The following ELAVL2 variants were observed in gnomAD, a reference collection of about 807,000 sequenced individuals.
The protein encoded by ELAVL2 is ELAV-like protein 2.
ELAVL2 carries 4 observed loss-of-function variants against 34.6 expected under a neutral mutation model. The ratio of observed to expected loss-of-function variants is 0.12; its 90% CI spans 0.06 to 0.26. The LOEUF is 0.26. ELAVL2 is among the 10% of genes least tolerant of loss of function. The pLI is 1.00. For missense variants in ELAVL2, 432 were observed against 442.8 expected (o/e 0.98, Z 0.22); for synonymous variants, 193 against 154.8 (o/e 1.25, Z -1.83).
chr9:23,839,517 A>T, the ELAVL2 span, among the ~76,000 whole-genome samples: 2 of 152,206 alleles, frequency 1.3e-5, no homozygotes, highest in Non-Finnish European at 2.9e-5. Flanking sequence ...AGTCCTAGAC[A>T]TGAGTCATCA....
chr9:23,783,362 G>T, intron 1 of ELAVL2: 2 of 757,474 alleles, frequency 2.6e-6, no homozygotes, highest in Non-Finnish European at 3.2e-6. Flanking sequence ...CACTTAAATG[G>T]AGTAACTCCA....
At chr9:23,843,647 TCAAA>T in the ELAVL2 span, among the ~76,000 whole-genome samples, 1 of 152,162 alleles carries the variant, frequency 6.6e-6, no homozygotes, top group Non-Finnish European at 1.5e-5. Flanking sequence ...TCATTTCCTC[TCAAA>T]CAATCTCTTT....
At chr9:23,804,026 A>G (rs1274536654) in intron 1 of ELAVL2, among the ~76,000 whole-genome samples, 1 of 152,202 alleles carries the variant, frequency 6.6e-6, no homozygotes, top group Non-Finnish European at 1.5e-5. Flanking sequence ...GTGCAAATCT[A>G]TTAAAATGCT....
At chr9:23,780,976 G>A (rs538953142) in intron 1 of ELAVL2, among the ~76,000 whole-genome samples, 5 of 152,278 alleles carry the variant, frequency 3.3e-5, no homozygotes, top group African/African-American at 4.8e-5. Context: ...AGACTAGAAC[G>A]AAGGTAAAAG....
intron 1 of ELAVL2, among the ~76,000 whole-genome samples, chr9:23,813,767 G>A (rs1325303535): frequency 6.6e-6 from 1 of 152,180 alleles, no homozygotes; most frequent in East Asian, 1.9e-4. Context: ...TGAAGTAAAG[G>A]AGACTATAAG....
At chr9:23,762,361 A>G in intron 1 of ELAVL2, 112 bp from the exon 2 acceptor site, 1 of 1,386,328 alleles carries the variant, frequency 7.2e-7, no homozygotes, top group Non-Finnish European at 9.8e-7. Context: ...TAATGAAATT[A>G]CAACAATGCT....
chr9:23,753,400 G>C (rs145151369), intron 2 of ELAVL2, among the ~76,000 whole-genome samples: 1 of 151,804 alleles, frequency 6.6e-6, no homozygotes, highest in Non-Finnish European at 1.5e-5. Context: ...AAAGTGCTTC[G>C]GTCTATTCTG....
At chr9:23,821,382 C>G (rs1039720347) in intron 1 of ELAVL2, 5 of 152,152 alleles carry the variant, frequency 3.3e-5, no homozygotes, top group African/African-American at 7.2e-5. Context: ...CCCGAGGCGC[C>G]CAATTCTCTC....
chr9:23,701,508 G>C lies in ELAVL2; in HGVS notation c.584C>G (p.Thr195Arg), dbSNP rs199582251. The C allele has an allele frequency of 6.2e-7, 1 of 1,614,094 alleles. No individual in the cohort carries two copies. The highest frequency in any genetic ancestry group is 8.5e-7 in the Non-Finnish European group (1 of 1,180,004). Reference protein sequence around the residue: ...GLNGQKPPGATEPITVKFANN... With the variant: ...GLNGQKPPGAREPITVKFANN... ...AGCAAACTTTACAGTGATTGGCTCC[G>C]TGGCACCGGGAGGTTTCTGGCCATT... Residue 195 changes from threonine (T) to arginine (R), a missense_variant, in exon 5 of 7, where the codon ACG becomes AGG. Physicochemically the swap from Thr to Arg is moderately conservative, Grantham distance 71. This residue lies in a region of ELAVL2 where 295 missense variants were observed against 306.1 expected (regional missense o/e 0.96). Transcript: ENST00000397312.
At chr9:23,774,135 C>T (rs1318294444) in intron 1 of ELAVL2, among the ~76,000 whole-genome samples, 3 of 146,240 alleles carry the variant, frequency 2.1e-5, no homozygotes, top group African/African-American at 7.7e-5. Flanking sequence ...GGCATGAACC[C>T]AGGAGGCAGA....
intron 6 of ELAVL2, among the ~76,000 whole-genome samples, 155 bp from the exon 7 acceptor site, chr9:23,693,039 T>C (rs2033743754): frequency 6.6e-6 from 1 of 152,246 alleles, no homozygotes; most frequent in African/African-American, 2.4e-5. Context: ...GACCAAGGTC[T>C]GTGTGTGGCT....
rs144047721 is a variant in ELAVL2, at chr9:23,723,721, G to C, written c.333+7301C>G. ...CTATCATGATGCACATGGTTTGCTT[G>C]AATCTCTTCCTCAGCCTCCTTATTA... On this transcript the variant is annotated intron_variant, in intron 3 of 6. Transcript: ENST00000397312. Among the ~76,000 whole-genome samples the C allele has an allele frequency of 3.9e-5, 6 of 152,180 alleles. No individual in the cohort carries two copies. The South Asian group carries it at 1.2e-3, about 32-fold the overall frequency.
chr9:23,722,870 A>C (rs2044093190), intron 3 of ELAVL2, among the ~76,000 whole-genome samples: 1 of 152,216 alleles, frequency 6.6e-6, no homozygotes, highest in Non-Finnish European at 1.5e-5. Context: ...ACAGCAAAGA[A>C]TTAAGGGCTC....
intron 1 of ELAVL2, among the ~76,000 whole-genome samples, chr9:23,809,868 A>G (rs1280639815): frequency 6.6e-6 from 1 of 152,208 alleles, no homozygotes; most frequent in Non-Finnish European, 1.5e-5. Context: ...TTGGAGAAAT[A>G]CTGAAAACTT....
At chr9:23,830,708 G>A (rs1421179978), upstream of ELAVL2, among the ~76,000 whole-genome samples, 1 of 148,680 alleles carries the variant, frequency 6.7e-6, no homozygotes, top group Non-Finnish European at 1.5e-5. Flanking sequence ...ACTAAGATCT[G>A]TTGCACATGT....
At chr9:23,781,677 G>A (rs1230162172) in intron 1 of ELAVL2, among the ~76,000 whole-genome samples, 1 of 151,376 alleles carries the variant, frequency 6.6e-6, no homozygotes, top group East Asian at 2.0e-4. Flanking sequence ...ACCACACCCC[G>A]CTAATTTTTT....
intron 1 of ELAVL2, among the ~76,000 whole-genome samples, chr9:23,794,992 C>A (rs1464214405): frequency 6.6e-6 from 1 of 152,206 alleles, no homozygotes; most frequent in East Asian, 1.9e-4. Flanking sequence ...TTATGCACAC[C>A]TACAAAACAT....
At chr9:23,716,489 C>T (rs1344346770) in intron 3 of ELAVL2, among the ~76,000 whole-genome samples, 2 of 152,006 alleles carry the variant, frequency 1.3e-5, no homozygotes, top group Admixed American at 6.5e-5. Context: ...CAAAACAAAA[C>T]GAAAAACCTC....
intron 2 of ELAVL2, among the ~76,000 whole-genome samples, chr9:23,732,678 T>C (rs567299481): frequency 6.6e-6 from 1 of 152,168 alleles, no homozygotes; most frequent in Non-Finnish European, 1.5e-5. Context: ...CAAAATCTGC[T>C]CAAGGAACCA....
Sources: allele counts gnomAD v4.1 joint callset (sites outside exome capture counted in the v4.1 genomes callset), GRCh38; gene constraint gnomAD v4.1.1; regional missense constraint gnomAD v4.1.1; transcripts MANE v1.5; gene names NCBI Gene and HGNC (gene_info 2026-07-23, HGNC 2026-07-21).